The following FARP2 variants were observed in gnomAD, a reference collection of about 807,000 sequenced individuals.
The protein encoded by FARP2 is FERM, ARH/RhoGEF and pleckstrin domain protein 2, also known as FERM, ARHGEF and pleckstrin domain-containing protein 2.
A neutral mutation model predicts 130.5 loss-of-function variants in FARP2; 111 were observed. That is an observed-to-expected ratio of 0.85 (90% CI 0.73 to 1.00). FARP2 has a LOEUF of 1.00. Among genes scored for constraint, FARP2 ranks in the 50% least tolerant of loss-of-function variants. The probability of loss-of-function intolerance (pLI) is 0.00; values close to 1 mark genes in which losing one functional copy is unlikely to be tolerated. For synonymous variants in FARP2, 504 were observed against 516.9 expected (o/e 0.98, Z 0.34); for missense variants, 1,385 against 1,346.3 (o/e 1.03, Z -0.45).
intron 5 of FARP2, among the ~76,000 whole-genome samples, chr2:241,409,051 G>GATAC (rs919753337): frequency 2.0e-5 from 3 of 151,450 alleles, no homozygotes; most frequent in African/African-American, 7.3e-5. Context: ...TAGATAGATA[G>GATAC]ATAGATAGAT....
intron 19 of FARP2, among the ~76,000 whole-genome samples, chr2:241,479,843 A>G (rs2064571150): frequency 6.6e-6 from 1 of 152,126 alleles, no homozygotes; most frequent in Non-Finnish European, 1.5e-5. Context: ...TGGCTTCTGG[A>G]GCTGAAGGTC....
intron 8 of FARP2, among the ~76,000 whole-genome samples, chr2:241,420,654 C>G (rs991736363): frequency 6.6e-5 from 10 of 152,204 alleles, no homozygotes; most frequent in Non-Finnish European, 1.3e-4. Context: ...CACCCCATGT[C>G]TCCTACCTGG....
chr2:241,409,557 T>A (rs1023343248), intron 5 of FARP2, among the ~76,000 whole-genome samples: 8 of 152,010 alleles, frequency 5.3e-5, no homozygotes, highest in African/African-American at 1.9e-4. Context: ...TCAAAAAAAA[T>A]AAGTAAACAA....
At chr2:241,400,341 C>T (rs2062136105) in intron 2 of FARP2, among the ~76,000 whole-genome samples, 1 of 152,204 alleles carries the variant, frequency 6.6e-6, no homozygotes, top group South Asian at 2.1e-4. Flanking sequence ...GGAATCTGGC[C>T]GTGTGTGGTG....
chr2:241,441,614 G>A, intron 13 of FARP2, 58 bp downstream of exon 13: 1 of 1,612,340 alleles, frequency 6.2e-7, no homozygotes. Flanking sequence ...GGGGGGCAGA[G>A]TTTCAGTGCC....
In FARP2 at chr2:241,458,318, A is replaced by G. The variant is rs2063919788; in HGVS notation, c.1587+1396A>G. ...AGTCAGTGCTGGTACAGGGGGAGGT[A>G]TGTCATTGTGACACCTCAGCACTCC... On this transcript the variant is annotated intron_variant, in intron 14 of 26. Transcript: ENST00000264042. Among the ~76,000 whole-genome samples the G allele has an allele frequency of 4.6e-5, 7 of 152,172 alleles. No individual in the cohort carries two copies. In the South Asian group the frequency reaches 1.2e-3, roughly 27 times the overall value.
Position 241,456,731 on chromosome 2 carries a change from C to T in FARP2, c.1412-16C>T, listed in dbSNP as rs184603323. On this transcript the variant is annotated splice_polypyrimidine_tract_variant and intron_variant, in intron 13 of 26. Transcript: ENST00000264042. ...TTCTCATTTCTCGCTCCATCCCCCT[C>T]CCCGTTCATTTCCAGGCCTTTCCAC... The T allele has an allele frequency of 0.015, 23,726 of 1,613,890 alleles. 251 individuals carry two copies. The highest frequency in any genetic ancestry group is 0.017 in the Non-Finnish European group (19,870 of 1,179,798).
At chr2:241,403,549 C>A (rs1004469999) in intron 2 of FARP2, among the ~76,000 whole-genome samples, 7 of 152,140 alleles carry the variant, frequency 4.6e-5, no homozygotes, top group Admixed American at 4.6e-4. Context: ...TTTACCAAAA[C>A]TAGAAATGGT....
At chr2:241,359,514 C>T (rs2061136624) in intron 1 of FARP2, among the ~76,000 whole-genome samples, 1 of 152,220 alleles carries the variant, frequency 6.6e-6, no homozygotes, top group Admixed American at 6.5e-5. Flanking sequence ...CAACTATACT[C>T]ATCCTTTCCC....
intron 19 of FARP2, chr2:241,478,749 T>A (rs1279809064): frequency 2.3e-6 from 1 of 441,830 alleles, no homozygotes; most frequent in Non-Finnish European, 4.5e-6. Flanking sequence ...CAGGTGCCCA[T>A]GAAGCATGTG....
At chr2:241,472,732 T>C (rs913259528) in intron 18 of FARP2, among the ~76,000 whole-genome samples, 3 of 151,568 alleles carry the variant, frequency 2.0e-5, no homozygotes, top group South Asian at 4.2e-4. Flanking sequence ...GAGACCCTAT[T>C]CTGTGTGGAT....
At chr2:241,377,002 G>A (rs1189578456) in intron 2 of FARP2, among the ~76,000 whole-genome samples, 3 of 152,232 alleles carry the variant, frequency 2.0e-5, no homozygotes, top group African/African-American at 7.2e-5. Flanking sequence ...TTGGTTAACA[G>A]ACTTTAAGAA....
chr2:241,441,586 T>C, intron 13 of FARP2, 30 bp downstream of exon 13: 1 of 1,613,748 alleles, frequency 6.2e-7, no homozygotes. Flanking sequence ...CGTGAGCAGC[T>C]GTGGTTCTGT....
Position 241,493,271 on chromosome 2 carries a change from G to C in FARP2, c.2896-22G>C, listed in dbSNP as rs764649553. On this transcript the variant is annotated intron_variant, in intron 25 of 26. Transcript: ENST00000264042. ...TGTGGCAACCCAGCCCCTGGAACCCGTGTCCCTATGCTGTCTTGCAGGATG... is the reference window on the plus strand; with the variant it reads ...TGTGGCAACCCAGCCCCTGGAACCCCTGTCCCTATGCTGTCTTGCAGGATG... 3.7e-6 allele frequency: 6 copies of C among 1,610,502 alleles called. No homozygotes were observed. In the Admixed American group the frequency reaches 1.0e-4, roughly 27 times the overall value.
chr2:241,488,902 G>C (rs1383798671), intron 21 of FARP2: 6 of 152,190 alleles, frequency 3.9e-5, no homozygotes, highest in African/African-American at 4.8e-5. Flanking sequence ...ATATGAGATA[G>C]TCACTGTTTG....
At chr2:241,421,898 C>G (rs2150378980) in intron 8 of FARP2, among the ~76,000 whole-genome samples, 1 of 152,302 alleles carries the variant, frequency 6.6e-6, no homozygotes, top group Non-Finnish European at 1.5e-5. Flanking sequence ...AATCCCAGCA[C>G]TTTGGGAGGC....
intron 17 of FARP2, chr2:241,465,811 C>T (rs550516662): frequency 5.2e-6 from 8 of 1,546,650 alleles, no homozygotes; most frequent in African/African-American, 2.7e-5. Flanking sequence ...CCCAATCCTG[C>T]GAGACTCTGG....
chr2:241,390,774 C>G (rs903158675), intron 2 of FARP2, among the ~76,000 whole-genome samples: 1 of 151,820 alleles, frequency 6.6e-6, no homozygotes, highest in Non-Finnish European at 1.5e-5. Context: ...CTTTGGTATA[C>G]CAGGTTTACT....
intron 13 of FARP2, chr2:241,443,992 C>T (rs1213396788): frequency 6.6e-6 from 1 of 152,274 alleles, no homozygotes; most frequent in Admixed American, 6.5e-5. Context: ...TTCCTTTTCT[C>T]ATCAGTGTTG....
Sources: gnomAD v4.1 joint callset for allele counts (sites outside exome capture counted in the v4.1 genomes callset) on GRCh38, gnomAD v4.1.1 for gene constraint, MANE v1.5 for transcripts, NCBI Gene and HGNC (gene_info 2026-07-23, HGNC 2026-07-21) for gene names.